The following TMEM164 variants were observed in gnomAD, a reference collection of about 807,000 sequenced individuals.
The protein encoded by TMEM164 is RP13-360B22.2.
In TMEM164, 4 loss-of-function variants were observed where a neutral mutation model predicts 18.8. The observed-to-expected ratio is 0.21, with a 90% CI of 0.10 to 0.49. TMEM164 has a LOEUF of 0.49. TMEM164 is among the 20% of genes least tolerant of loss of function. TMEM164 has a pLI of 0.98. For synonymous variants in TMEM164, 86 were observed against 101.7 expected (o/e 0.85, Z 0.93); for missense variants, 108 against 239.9 (o/e 0.45, Z 3.63).
intron 5 of TMEM164, among the ~76,000 whole-genome samples, chrX:110,149,589 T>C (rs1433889737): frequency 8.9e-6 from 1 of 111,984 alleles, no homozygotes; most frequent in Non-Finnish European, 1.9e-5. Flanking sequence ...CTCTGAGATG[T>C]TGAGTTCTGT....
intron 5 of TMEM164, among the ~76,000 whole-genome samples, chrX:110,149,833 G>A (rs1424428905): frequency 8.9e-6 from 1 of 111,784 alleles, no homozygotes; most frequent in South Asian, 3.7e-4. Context: ...CTCTTCTTGT[G>A]GTTCGTGCCA....
chrX:110,055,444 C>T (rs1270115157), intron 2 of TMEM164: 1 of 187,222 alleles, frequency 5.3e-6, no homozygotes, highest in South Asian at 7.7e-5. Flanking sequence ...CTCGGCGGCC[C>T]TGGCATAATG....
intron 2 of TMEM164, among the ~76,000 whole-genome samples, chrX:110,053,687 T>G (rs1329982057): frequency 9.0e-6 from 1 of 111,416 alleles, no homozygotes; most frequent in Non-Finnish European, 1.9e-5. Context: ...CTCCCATGGG[T>G]TGGCCTAGGC....
chrX:110,046,290 G>C, intron 2 of TMEM164: 1 of 754,572 alleles, frequency 1.3e-6, no homozygotes, highest in Non-Finnish European at 1.6e-6. Flanking sequence ...TCAACCAACA[G>C]GGGGCCTTCT....
At chrX:110,066,270 A>G (rs1200096306) in intron 2 of TMEM164, among the ~76,000 whole-genome samples, 1 of 112,035 alleles carries the variant, frequency 8.9e-6, no homozygotes, top group African/African-American at 3.2e-5. Context: ...TCCATAATGC[A>G]GATATCCTAT....
intron 4 of TMEM164, among the ~76,000 whole-genome samples, chrX:110,131,184 C>A (rs139479601): frequency 8.9e-6 from 1 of 111,754 alleles, no homozygotes; most frequent in African/African-American, 3.3e-5. Context: ...AGCAATGACC[C>A]CCAGGGAGTA....
intron 2 of TMEM164, among the ~76,000 whole-genome samples, chrX:110,024,544 G>C (rs973246610): frequency 8.9e-6 from 1 of 112,005 alleles, no homozygotes; most frequent in African/African-American, 3.3e-5. Context: ...AAAGTCCTGG[G>C]ATTACTGTTG....
chrX:110,166,400 A>G (rs1239701305), intron 5 of TMEM164, among the ~76,000 whole-genome samples: 1 of 112,559 alleles, frequency 8.9e-6, no homozygotes, highest in Non-Finnish European at 1.9e-5. Context: ...ACTGTCTGGC[A>G]TGGAGTCTTA....
intron 2 of TMEM164, among the ~76,000 whole-genome samples, chrX:110,024,677 A>G (rs1199258323): frequency 8.9e-6 from 1 of 112,077 alleles, no homozygotes; most frequent in Non-Finnish European, 1.9e-5. Flanking sequence ...GCACTTAAAT[A>G]CGAGATGCCA....
intron 3 of TMEM164, among the ~76,000 whole-genome samples, chrX:110,081,558 TTC>T (rs1311181575): frequency 8.9e-6 from 1 of 112,282 alleles, no homozygotes; most frequent in African/African-American, 3.2e-5. Context: ...GATCCAAAGT[TTC>T]TCTCACTCCA....
At chrX:110,105,024 A>G (rs1336027844) in intron 3 of TMEM164, among the ~76,000 whole-genome samples, 1 of 109,792 alleles carries the variant, frequency 9.1e-6, no homozygotes, top group South Asian at 3.9e-4. Flanking sequence ...CTTTCTCTGG[A>G]CCTCCTTCTC....
intron 2 of TMEM164, among the ~76,000 whole-genome samples, chrX:110,040,988 A>G (rs1001530384): frequency 1.8e-5 from 2 of 112,068 alleles, no homozygotes; most frequent in African/African-American, 6.5e-5. Flanking sequence ...GTGTTACCTC[A>G]TAAATAAGTA....
rs139279389 is a variant in TMEM164, at chrX:110,145,883, G to A, written c.586+1007G>A. Among the ~76,000 whole-genome samples, 348 of 112,246 alleles carry A rather than the reference G, an allele frequency of 3.1e-3. 4 individuals are homozygous for A. The highest frequency in any genetic ancestry group is 0.01 in the African/African-American group (318 of 30,929). On this transcript the variant is annotated intron_variant, in intron 5 of 6. Transcript: ENST00000372068. ...ACCCAGGAACATATTACAGGATGGA[G>A]TCTACTTATAGTCCAGAGATTTGCC...
intron 4 of TMEM164, among the ~76,000 whole-genome samples, chrX:110,131,364 G>GC (rs1446002650): frequency 3.6e-5 from 4 of 111,605 alleles, no homozygotes; most frequent in African/African-American, 1.3e-4. Context: ...TGATGCTCAG[G>GC]TCTTTTAAAG....
At chrX:110,180,485 ACCC>A (rs1235561540), downstream of TMEM164, among the ~76,000 whole-genome samples, 2,592 of 101,574 alleles carry the variant, frequency 0.026, 92 homozygotes, top group African/African-American at 0.1. Flanking sequence ...TACTGCCTGA[ACCC>A]CCCCGCCCCG....
Position 110,037,866 on chromosome X carries a change from C to T in TMEM164, c.391-29481C>T, listed in dbSNP as rs147913307. On this transcript the variant is annotated intron_variant, in intron 2 of 6. Coordinates refer to ENST00000372068, the MANE Select transcript of TMEM164 (RefSeq NM_032227.4). ...TAATATTTCTTCCCACTACCTACTC[C>T]TTACTGCCCTCACTCCGTCCTTTAT... Among the ~76,000 whole-genome samples, 716 of 112,291 alleles carry T rather than the reference C, an allele frequency of 6.4e-3. 5 individuals carry two copies. The highest frequency in any genetic ancestry group is 0.022 in the African/African-American group (692 of 30,872).
chrX:110,069,283 GATT>G (rs2065547288), intron 3 of TMEM164, among the ~76,000 whole-genome samples: 1 of 111,649 alleles, frequency 9.0e-6, no homozygotes, highest in Admixed American at 9.6e-5. Context: ...TAATATGTGA[GATT>G]ATTATTTTCT....
intron 4 of TMEM164, among the ~76,000 whole-genome samples, chrX:110,143,869 C>T (rs1009403795): frequency 2.7e-5 from 3 of 109,676 alleles, no homozygotes; most frequent in Non-Finnish European, 5.7e-5. Flanking sequence ...TTCTGTAAGC[C>T]CAAGAGGCTA....
intron 2 of TMEM164, among the ~76,000 whole-genome samples, chrX:110,022,835 T>A (rs1933975317): frequency 1.8e-5 from 2 of 112,111 alleles, no homozygotes; most frequent in African/African-American, 6.5e-5. Flanking sequence ...TGTACAGAAT[T>A]TATGACCAGA....
Sources: allele counts gnomAD v4.1 joint callset (sites outside exome capture counted in the v4.1 genomes callset), GRCh38; gene constraint gnomAD v4.1.1; transcripts MANE v1.5; gene names NCBI Gene and HGNC (gene_info 2026-07-23, HGNC 2026-07-21).